Variants in PDE8B observed in about 807,000 individuals in gnomAD.
PDE8B encodes phosphodiesterase 8B, also known as high affinity cAMP-specific and IBMX-insensitive 3',5'-cyclic phosphodiesterase 8B.
PDE8B carries 26 observed loss-of-function variants against 101.3 expected under a neutral mutation model. The observed-to-expected ratio is 0.26, with a 90% CI of 0.19 to 0.36. The LOEUF is 0.36. Among genes scored for constraint, PDE8B ranks in the 10% least tolerant of loss-of-function variants. The probability of loss-of-function intolerance (pLI) is 1.00; values close to 1 mark genes in which losing one functional copy is unlikely to be tolerated. For missense variants in PDE8B, 810 were observed against 1,163.1 expected, an observed-to-expected ratio of 0.70 and a Z score of 4.42; for synonymous variants, 424 against 429.3, an observed-to-expected ratio of 0.99 and a Z score of 0.15.
intron 3 of PDE8B, among the ~76,000 whole-genome samples, 163 bp downstream of exon 3, chr5:77,325,892 T>C (rs1459227673): frequency 6.6e-6 from 1 of 152,242 alleles, no homozygotes; most frequent in African/African-American, 2.4e-5. Context: ...AGCTCCTTCC[T>C]GTAGATTTCT....
chr5:77,369,984 G>C lies in PDE8B; in HGVS notation c.1167+16578G>C, dbSNP rs114254361. Among the ~76,000 whole-genome samples, 505 of 152,264 alleles carry C rather than the reference G, an allele frequency of 3.3e-3. 1 individual carries two copies. Among genetic ancestry groups the C allele is most frequent in the African/African-American group, 0.012 (481 of 41,554 alleles). On this transcript the variant is annotated intron_variant, in intron 10 of 21. Transcript: ENST00000264917. The stretch of plus-strand genomic sequence containing the variant: ...TAAACACCTGAATAACCACCACCTA[G>C]ATTCTACCGTTAACATTTTACTATA...
At chr5:77,087,609 A>G in the PDE8B span, 1 of 152,178 alleles carries the variant, frequency 6.6e-6, no homozygotes, top group African/African-American at 2.4e-5. Flanking sequence ...CTTTGGCTAG[A>G]TGATGCTCAG....
chr5:77,103,464 C>T, the PDE8B span, among the ~76,000 whole-genome samples: 113 of 152,278 alleles, frequency 7.4e-4, no homozygotes, highest in African/African-American at 2.6e-3. Context: ...CCATAAATTA[C>T]ATATTTATAG....
intron 1 of PDE8B, among the ~76,000 whole-genome samples, chr5:77,281,799 A>G (rs1765061127): frequency 6.6e-6 from 1 of 152,152 alleles, no homozygotes; most frequent in African/African-American, 2.4e-5. Context: ...TCAGCCTACC[A>G]CGACAATGCT....
At chr5:77,411,968 C>A (rs1794656243) in intron 15 of PDE8B, 132 bp from the exon 16 acceptor site, 1 of 917,050 alleles carries the variant, frequency 1.1e-6, no homozygotes, top group Non-Finnish European at 1.8e-6. Context: ...ATTTGAGGGT[C>A]TTGAAGTTCA....
chr5:77,097,685 T>TTA, the PDE8B span, among the ~76,000 whole-genome samples: 637 of 18,002 alleles, frequency 0.035, 49 homozygotes, highest in South Asian at 0.071. Flanking sequence ...TGTGGAGATT[T>TTA]TATATATCTA....
the PDE8B span, among the ~76,000 whole-genome samples, chr5:77,102,070 T>C: frequency 6.6e-6 from 1 of 152,188 alleles, no homozygotes; most frequent in Non-Finnish European, 1.5e-5. Flanking sequence ...GCCTATACTG[T>C]AGAAATTTGA....
intron 1 of PDE8B, among the ~76,000 whole-genome samples, chr5:77,295,633 C>G (rs1768356219): frequency 6.6e-6 from 1 of 152,172 alleles, no homozygotes; most frequent in Non-Finnish European, 1.5e-5. Context: ...ATCATCAGAT[C>G]TCTCTAATAT....
intron 6 of PDE8B, among the ~76,000 whole-genome samples, chr5:77,343,039 G>A (rs978108513): frequency 3.3e-5 from 5 of 152,294 alleles, no homozygotes; most frequent in Non-Finnish European, 7.4e-5. Context: ...TCATTGCCTC[G>A]TGTTAGTGTT....
At chr5:77,222,192 G>A (rs1580397550) in intron 1 of PDE8B, among the ~76,000 whole-genome samples, 2 of 152,216 alleles carry the variant, frequency 1.3e-5, no homozygotes, top group South Asian at 4.1e-4. Flanking sequence ...TCCTTGCACG[G>A]TAGGGATAAT....
intron 10 of PDE8B, among the ~76,000 whole-genome samples, chr5:77,354,324 C>G (rs1398667811): frequency 6.6e-6 from 1 of 152,154 alleles, no homozygotes; most frequent in Non-Finnish European, 1.5e-5. Flanking sequence ...CGTCCATGTG[C>G]TCCTTTATAA....
chr5:77,242,502 C>T (rs1755968822), intron 1 of PDE8B, among the ~76,000 whole-genome samples: 1 of 152,056 alleles, frequency 6.6e-6, no homozygotes, highest in Non-Finnish European at 1.5e-5. Flanking sequence ...TCTTTGTAAA[C>T]CACTAAAAGA....
At chr5:77,237,076 A>G (rs1441534796) in intron 1 of PDE8B, among the ~76,000 whole-genome samples, 1 of 152,148 alleles carries the variant, frequency 6.6e-6, no homozygotes, top group Non-Finnish European at 1.5e-5. Flanking sequence ...AAGTTTACTT[A>G]GACAGATATT....
intron 1 of PDE8B, among the ~76,000 whole-genome samples, chr5:77,274,747 G>A (rs1311699621): frequency 6.6e-6 from 1 of 152,132 alleles, no homozygotes; most frequent in Non-Finnish European, 1.5e-5. Context: ...CAATGTCATA[G>A]TTGGAAAATT....
At chr5:77,314,739 G>A (rs1035357489) in intron 2 of PDE8B, among the ~76,000 whole-genome samples, 1 of 151,836 alleles carries the variant, frequency 6.6e-6, no homozygotes, top group Admixed American at 6.6e-5. Flanking sequence ...CCAGAACAAT[G>A]GTGTGTTTAG....
intron 10 of PDE8B, among the ~76,000 whole-genome samples, chr5:77,358,061 C>G (rs1318793144): frequency 2.0e-5 from 3 of 152,168 alleles, no homozygotes; most frequent in African/African-American, 7.2e-5. Context: ...CCTTACCTTT[C>G]TAGGGGTGGT....
chr5:77,351,286 G>A (rs1262086245), intron 9 of PDE8B, 133 bp downstream of exon 9: 9 of 753,492 alleles, frequency 1.2e-5, no homozygotes, highest in Admixed American at 4.0e-5. Context: ...AGTATAGATC[G>A]AGGGTGCTTC....
intron 1 of PDE8B, among the ~76,000 whole-genome samples, chr5:77,242,790 GCCTGTAGCTGCGA>G (rs1756036320): frequency 6.6e-6 from 1 of 152,060 alleles, no homozygotes; most frequent in Non-Finnish European, 1.5e-5. Flanking sequence ...TCCTGCCTCA[GCCTGTAGCTGCGA>G]CTACAGGCAC....
At chr5:77,253,375 A>G (rs1280808289) in intron 1 of PDE8B, among the ~76,000 whole-genome samples, 1 of 152,092 alleles carries the variant, frequency 6.6e-6, no homozygotes, top group African/African-American at 2.4e-5. Context: ...CTGCTGTTGT[A>G]TTTTCCTTAG....
Sources: allele counts gnomAD v4.1 joint callset (sites outside exome capture counted in the v4.1 genomes callset), GRCh38; gene constraint gnomAD v4.1.1; transcripts MANE v1.5; gene names NCBI Gene and HGNC (gene_info 2026-07-23, HGNC 2026-07-21).